Variants in PAG1 observed in about 807,000 individuals in gnomAD.
PAG1 encodes phosphoprotein associated with glycosphingolipid-enriched microdomains 1.
PAG1 carries 23 observed loss-of-function variants against 31.7 expected under a neutral mutation model. That is an observed-to-expected ratio of 0.73 (90% CI 0.52 to 1.03). The LOEUF (loss-of-function observed/expected upper bound fraction) is 1.03. Ranked by LOEUF, PAG1 falls within the 50% of genes least tolerant of loss-of-function variation. PAG1 has a pLI of 0.00. For missense variants in PAG1, 473 were observed against 540.7 expected (o/e 0.87, Z 1.24); for synonymous variants, 214 against 210.3 (o/e 1.02, Z -0.15).
intron 1 of PAG1, among the ~76,000 whole-genome samples, chr8:81,092,056 A>G (rs1809454901): frequency 6.6e-6 from 1 of 151,594 alleles, no homozygotes; most frequent in Admixed American, 6.6e-5. Context: ...ATCTGTCTGA[A>G]TAAAAGTAAA....
chr8:81,046,189 T>C (rs1808638962), intron 2 of PAG1, among the ~76,000 whole-genome samples: 1 of 152,218 alleles, frequency 6.6e-6, no homozygotes, highest in African/African-American at 2.4e-5. Context: ...AGGATATCAG[T>C]TCCAGAGTGA....
chr8:81,075,174 G>T (rs1416027469), intron 1 of PAG1, among the ~76,000 whole-genome samples: 2 of 152,182 alleles, frequency 1.3e-5, no homozygotes, highest in Admixed American at 1.3e-4. Context: ...TCTATTCCAA[G>T]ACCCTAATGC....
In PAG1 at chr8:80,985,185, C is replaced by T. The variant is rs1409213296; in HGVS notation, c.467G>A (p.Gly156Glu). 1.2e-6 allele frequency: 2 copies of T among 1,613,978 alleles called. No homozygotes were observed. Among genetic ancestry groups the T allele is most frequent in the East Asian group, 2.2e-5 (1 of 44,888 alleles). Reference protein sequence around the residue: ...LTARSVDGDQGLGMEGPYEVL... With the variant: ...LTARSVDGDQELGMEGPYEVL... ...TTCATAGGGCCCTTCCATCCCCAGC[C>T]CCTGGTCCCCGTCCACACTTCTCGC... The change falls in exon 7 of 9, where the codon GGG (glycine) becomes GAG (glutamate). Residue 156 changes from glycine (G) to glutamate (E), a missense_variant. Gly to Glu is a moderately conservative substitution (Grantham distance 98, BLOSUM62 -2). Coordinates refer to ENST00000220597, the MANE Select transcript of PAG1 (RefSeq NM_018440.4).
chr8:81,047,622 A>G (rs1487715695), intron 2 of PAG1, among the ~76,000 whole-genome samples: 2 of 152,192 alleles, frequency 1.3e-5, no homozygotes, highest in Non-Finnish European at 2.9e-5. Flanking sequence ...CATAGGGTCC[A>G]CTCAGATGGA....
At chr8:81,019,218 T>C (rs1001592605) in intron 3 of PAG1, among the ~76,000 whole-genome samples, 1 of 152,204 alleles carries the variant, frequency 6.6e-6, no homozygotes, top group Non-Finnish European at 1.5e-5. Context: ...AATAAAAGTT[T>C]GGAAAATTTG....
intron 2 of PAG1, among the ~76,000 whole-genome samples, chr8:81,056,719 T>G (rs1421111050): frequency 1.3e-5 from 2 of 151,886 alleles, no homozygotes; most frequent in Non-Finnish European, 2.9e-5. Flanking sequence ...AATTGACAAA[T>G]GGGATCTAAT....
chr8:81,083,700 C>T (rs1025321076), intron 1 of PAG1, among the ~76,000 whole-genome samples: 15 of 151,978 alleles, frequency 9.9e-5, no homozygotes, highest in Non-Finnish European at 2.1e-4. Flanking sequence ...TTTGTATGTG[C>T]CTGTTGGTGT....
At chr8:81,027,011 T>A (rs1248961977) in intron 3 of PAG1, among the ~76,000 whole-genome samples, 2 of 152,178 alleles carry the variant, frequency 1.3e-5, no homozygotes, top group African/African-American at 4.8e-5. Flanking sequence ...ATAAATATAT[T>A]TCTATACTTT....
At chr8:81,054,295 G>A (rs983673728) in intron 2 of PAG1, among the ~76,000 whole-genome samples, 7 of 152,198 alleles carry the variant, frequency 4.6e-5, no homozygotes, top group African/African-American at 1.7e-4. Flanking sequence ...TATACTGACT[G>A]TGTGAGAAAT....
At chr8:80,977,417 G>A (rs1014506360) in intron 8 of PAG1, among the ~76,000 whole-genome samples, 16 of 152,126 alleles carry the variant, frequency 1.1e-4, no homozygotes, top group African/African-American at 3.1e-4. Context: ...TCAGAACCTC[G>A]GGGCTGGGGC....
At chr8:81,058,036 A>C (rs540610289) in intron 2 of PAG1, among the ~76,000 whole-genome samples, 2 of 152,252 alleles carry the variant, frequency 1.3e-5, no homozygotes, top group African/African-American at 4.8e-5. Flanking sequence ...ACTTGCCAAG[A>C]GATGTGACAT....
At chr8:81,110,728 G>A (rs928889760) in intron 1 of PAG1, among the ~76,000 whole-genome samples, 2 of 152,212 alleles carry the variant, frequency 1.3e-5, no homozygotes, top group African/African-American at 4.8e-5. Context: ...TCCTGGAGCT[G>A]CCTTGAAAAA....
intron 1 of PAG1, among the ~76,000 whole-genome samples, chr8:81,076,759 T>C (rs1809185137): frequency 6.6e-6 from 1 of 152,226 alleles, no homozygotes; most frequent in South Asian, 2.1e-4. Flanking sequence ...AAAATTTTAA[T>C]GTGTTCTATA....
At chr8:81,077,619 A>C (rs1415466722) in intron 1 of PAG1, among the ~76,000 whole-genome samples, 1 of 152,224 alleles carries the variant, frequency 6.6e-6, no homozygotes, top group Non-Finnish European at 1.5e-5. Flanking sequence ...TTTTGTCCAC[A>C]ACTAAGTTTT....
intron 2 of PAG1, among the ~76,000 whole-genome samples, chr8:81,061,950 G>C (rs1319338706): frequency 6.6e-6 from 1 of 152,010 alleles, no homozygotes; most frequent in Non-Finnish European, 1.5e-5. Context: ...GGATGGGAGG[G>C]AGCAGTTTAG....
intron 3 of PAG1, among the ~76,000 whole-genome samples, chr8:81,024,381 C>T (rs1217631957): frequency 6.6e-6 from 1 of 152,150 alleles, no homozygotes. Flanking sequence ...GGCTGACACC[C>T]CCGGGCTCCT....
intron 7 of PAG1, 52 bp downstream of exon 7, chr8:80,984,724 T>C: frequency 6.4e-7 from 1 of 1,555,512 alleles, no homozygotes. Flanking sequence ...CCAGCTAGAT[T>C]CCTAACCAGA....
intron 2 of PAG1, among the ~76,000 whole-genome samples, chr8:81,044,231 G>A (rs1011219724): frequency 2.0e-5 from 3 of 152,168 alleles, no homozygotes; most frequent in Non-Finnish European, 4.4e-5. Context: ...ACCTCAGAAC[G>A]TGACTTCATT....
At chr8:81,012,686 TAATC>T (rs1375672148) in intron 3 of PAG1, among the ~76,000 whole-genome samples, 1 of 152,242 alleles carries the variant, frequency 6.6e-6, no homozygotes, top group Non-Finnish European at 1.5e-5. Context: ...AATAAAGAAA[TAATC>T]AGATACCAGC....
Sources: allele counts gnomAD v4.1 joint callset (sites outside exome capture counted in the v4.1 genomes callset), GRCh38; gene constraint gnomAD v4.1.1; transcripts MANE v1.5; gene names NCBI Gene and HGNC (gene_info 2026-07-23, HGNC 2026-07-21).